Variants in C5 observed in about 807,000 individuals in gnomAD.
C5 encodes complement C5.
A neutral mutation model predicts 218.8 loss-of-function variants in C5; 140 were observed. The ratio of observed to expected loss-of-function variants is 0.64; its 90% CI spans 0.56 to 0.74. C5 has a LOEUF of 0.74. Among genes scored for constraint, C5 ranks in the 30% least tolerant of loss-of-function variants. C5 has a pLI of 0.00. For missense variants in C5, 1,700 were observed against 1,969.6 expected (o/e 0.86, Z 2.59); for synonymous variants, 614 against 682.3 (o/e 0.90, Z 1.56).
chr9:121,006,046 G>C lies in C5; in HGVS notation c.2435C>G (p.Ala812Gly), dbSNP rs1400596717. Residue 812 changes from alanine (A) to glycine (G), a missense_variant, in exon 20 of 41, where the codon GCT becomes GGT. Transcript: ENST00000223642. The part of the protein sequence containing the change: ...VGISNTGICV[A>G]DTVKAKVFKD... The stretch of plus-strand genomic sequence containing the variant: ...GAACACCTTTGCCTTGACAGTATCA[G>C]CAACACATATACCTTCAGCCCAAAG... 6.2e-7 allele frequency: 1 copy of C among 1,613,568 alleles called. No individual in the cohort carries two copies. Among genetic ancestry groups the C allele is most frequent in the Non-Finnish European group, 8.5e-7 (1 of 1,179,766 alleles).
At chr9:121,035,894 TAA>T (rs760117987) in intron 4 of C5, among the ~76,000 whole-genome samples, 18 of 151,962 alleles carry the variant, frequency 1.2e-4, no homozygotes, top group Non-Finnish European at 1.8e-4. Context: ...AAAAAATGTT[TAA>T]AGAGTTAGCA....
chr9:121,015,550 T>C (rs1261569849), intron 15 of C5, among the ~76,000 whole-genome samples: 1 of 152,180 alleles, frequency 6.6e-6, no homozygotes, highest in Non-Finnish European at 1.5e-5. Flanking sequence ...TACCTAAGCA[T>C]TTAGAGTGAG....
At chr9:120,957,419 G>T (rs765878050) in intron 38 of C5, 51 bp from the exon 39 acceptor site, 1 of 1,353,350 alleles carries the variant, frequency 7.4e-7, no homozygotes, top group Non-Finnish European at 1.1e-6. Context: ...TACTATTAAT[G>T]CTATGTCCAG....
At position 120,980,210 on chromosome 9, in the gene C5, T is replaced by A; in HGVS notation, c.3531A>T (p.Glu1177Asp). The A allele has an allele frequency of 6.2e-7, 1 of 1,614,216 alleles. No homozygotes were observed. The change falls in exon 28 of 41, where the codon GAA (glutamate) becomes GAT (aspartate). Residue 1177 changes from glutamate (E) to aspartate (D), a missense_variant. Coordinates refer to ENST00000223642, the MANE Select transcript of C5 (RefSeq NM_001735.3). ...AGGTGCTCTGGGCTGGCAGTGTATT[T>A]TCAAGCAGAAAGTTGTCAGCTTTAA... is the stretch of plus-strand genomic sequence containing the variant. ...ALIKADNFLL[E>D]NTLPAQSTFT...
In C5 at chr9:121,002,246, A is replaced by ACG. The variant is rs1554721935; in HGVS notation, c.2562+3672_2562+3673insCG. ...TATATATATGTATATATGTATATGT[A>ACG]TATATATGTATATATGTATATATAT... On this transcript the variant is annotated intron_variant, in intron 20 of 40. Coordinates refer to ENST00000223642, the MANE Select transcript of C5 (RefSeq NM_001735.3). Among the ~76,000 whole-genome samples the ACG allele has an allele frequency of 2.7e-3, 112 of 41,636 alleles. 1 individual carries two copies. The highest frequency in any genetic ancestry group is 0.013 in the Middle Eastern group (1 of 78). The allele number at this position is 41,636 out of a possible 152,430, so 27.3% of individuals were successfully genotyped here. A position where few individuals can be genotyped will look rare whatever the true frequency, so the allele number is the denominator to read the frequency against.
chr9:120,991,096 A>G, intron 23 of C5, 95 bp downstream of exon 23: 1 of 818,628 alleles, frequency 1.2e-6, no homozygotes, highest in Non-Finnish European at 2.1e-6. Context: ...GCTACTGAAC[A>G]CGGAAGTGGA....
chr9:121,057,326 G>A, the C5 span, among the ~76,000 whole-genome samples: 1 of 152,024 alleles, frequency 6.6e-6, no homozygotes, highest in Non-Finnish European at 1.5e-5. Context: ...ACAGAATAAT[G>A]TAACACTGTA....
intron 4 of C5, among the ~76,000 whole-genome samples, chr9:121,035,122 C>T (rs1587994102): frequency 7.1e-6 from 1 of 140,372 alleles, no homozygotes; most frequent in Non-Finnish European, 1.5e-5. Flanking sequence ...CCCCATCTCT[C>T]CTCATTATCT....
At position 120,961,512 on chromosome 9, in the gene C5, A is replaced by G; in HGVS notation, c.4558T>C (p.Cys1520Arg). 6.2e-7 allele frequency: 1 copy of G among 1,613,218 alleles called. No homozygotes were observed. The highest frequency in any genetic ancestry group is 1.3e-5 in the African/African-American group (1 of 75,034). ...STSNIKIQKV[C>R]EGAACKCVEA... ...ACACACTTGCACGCGGCTCCTTCAC[A>G]GACTTTCTGAATTTTGATATTGGAA... is the stretch of plus-strand genomic sequence containing the variant. Residue 1520 changes from cysteine (C) to arginine (R), a missense_variant, in exon 37 of 41, where the codon TGT (cysteine) becomes CGT (arginine). Coordinates refer to ENST00000223642, the MANE Select transcript of C5 (RefSeq NM_001735.3).
Position 121,005,917 on chromosome 9 carries a change from AC to A in C5, c.2562+1del. ...ATCCCATAAATATTAACACCTACTT[AC>A]CTGCATCCCAGAAGTCCTATAGTTG... On this transcript the variant is annotated splice_donor_variant, in intron 20 of 40. Coordinates refer to ENST00000223642, the MANE Select transcript of C5 (RefSeq NM_001735.3). LOFTEE classifies it high-confidence loss of function. The A allele has an allele frequency of 6.2e-7, 1 of 1,613,300 alleles. No homozygotes were observed. Among genetic ancestry groups the A allele is most frequent in the South Asian group, 1.1e-5 (1 of 91,064 alleles).
chr9:121,014,535 T>C (rs1198365308), intron 16 of C5, among the ~76,000 whole-genome samples: 2 of 152,234 alleles, frequency 1.3e-5, no homozygotes, highest in Admixed American at 1.3e-4. Context: ...CTTCACCTAG[T>C]AGCATTATCC....
chr9:121,034,697 C>T, intron 5 of C5, 106 bp downstream of exon 5: 2 of 688,406 alleles, frequency 2.9e-6, no homozygotes, highest in Non-Finnish European at 5.2e-6. Flanking sequence ...TGCATATCCA[C>T]CTATGTGACA....
intron 32 of C5, among the ~76,000 whole-genome samples, chr9:120,969,702 G>A (rs1272879912): frequency 6.6e-6 from 1 of 152,186 alleles, no homozygotes; most frequent in Non-Finnish European, 1.5e-5. Flanking sequence ...AGGGGTACAG[G>A]AGAGACTAAG....
chr9:120,970,348 G>A, intron 31 of C5, 97 bp from the exon 32 acceptor site: 2 of 797,008 alleles, frequency 2.5e-6, no homozygotes, highest in Admixed American at 1.9e-5. Context: ...GATGCTCGAA[G>A]GATCATTTTC....
At chr9:121,031,645 C>T (rs1489268060) in intron 6 of C5, among the ~76,000 whole-genome samples, 1 of 152,174 alleles carries the variant, frequency 6.6e-6, no homozygotes, top group African/African-American at 2.4e-5. Flanking sequence ...AACTACTACT[C>T]CTCCCTCCAA....
At chr9:121,040,952 CTTTTTT>C (rs35536237) in intron 3 of C5, among the ~76,000 whole-genome samples, 1 of 129,272 alleles carries the variant, frequency 7.7e-6, no homozygotes, top group Non-Finnish European at 1.7e-5. Context: ...TTTTTTTTCT[CTTTTTT>C]TTTTTTTTTT....
At chr9:121,008,674 A>G (rs1011267324) in intron 17 of C5, among the ~76,000 whole-genome samples, 176 bp from the exon 18 acceptor site, 2 of 152,200 alleles carry the variant, frequency 1.3e-5, no homozygotes, top group African/African-American at 4.8e-5. Context: ...TCATGCCTGT[A>G]ATCCCAGCAC....
Position 121,015,163 on chromosome 9 carries a change from C to A in C5, c.2059+36G>T. 2.2e-6 allele frequency: 3 copies of A among 1,359,234 alleles called. No individual in the cohort carries two copies. In the South Asian group the frequency reaches 3.5e-5, roughly 16 times the overall value. 84.2% of individuals were successfully genotyped at this position (1,359,234 alleles called of 1,614,324 possible). On this transcript the variant is annotated intron_variant, in intron 16 of 40. Transcript: ENST00000223642. ...TTGTCCAGTTTTTGAATGATATGAC[C>A]ATAACCTTTTTACAATCACATGAAT... is the stretch of plus-strand genomic sequence containing the variant.
rs2131711095 is a variant in C5 at position 120,989,667 on chromosome 9, A to G, written c.3055T>C (p.Phe1019Leu). The G allele has an allele frequency of 6.2e-7, 1 of 1,613,818 alleles. No homozygotes were observed. The highest frequency in any genetic ancestry group is 8.5e-7 in the Non-Finnish European group (1 of 1,179,726). ...GTTTCCAGGTAGTGAAAAACATAGA[A>G]TACTGGGACAACGCTCATCAGCTCC... ...EAELMSVVPV[F>L]YVFHYLETGN... The change falls in exon 24 of 41, where the codon TTC becomes CTC. Residue 1019 changes from phenylalanine (F) to leucine (L), a missense_variant. Physicochemically the swap from Phe to Leu is conservative, Grantham distance 22. Coordinates refer to ENST00000223642, the MANE Select transcript of C5 (RefSeq NM_001735.3).
Sources: allele counts gnomAD v4.1 joint callset (sites outside exome capture counted in the v4.1 genomes callset), GRCh38; gene constraint gnomAD v4.1.1; transcripts MANE v1.5; gene names NCBI Gene and HGNC (gene_info 2026-07-23, HGNC 2026-07-21).